ST6GALNAC3: variants seen among roughly 807,000 people sequenced by gnomAD.
The protein encoded by ST6GALNAC3 is alpha-N-acetylgalactosaminide alpha-2,6-sialyltransferase 3.
In ST6GALNAC3, 25 loss-of-function variants were observed where a neutral mutation model predicts 32.7. That is an observed-to-expected ratio of 0.76 (90% CI 0.56 to 1.07). The LOEUF is 1.07. ST6GALNAC3 is among the 50% of genes least tolerant of loss of function. ST6GALNAC3 has a pLI of 0.00. For synonymous variants in ST6GALNAC3, 129 were observed against 133.1 expected, an observed-to-expected ratio of 0.97 and a Z score of 0.21; for missense variants, 355 against 382.4, an observed-to-expected ratio of 0.93 and a Z score of 0.60.
At chr1:76,557,405 G>A (rs927656284) in intron 3 of ST6GALNAC3, among the ~76,000 whole-genome samples, 2 of 152,020 alleles carry the variant, frequency 1.3e-5, no homozygotes, top group East Asian at 1.9e-4. Flanking sequence ...TCATCAATGG[G>A]AAATTGGGAT....
At chr1:76,405,394 A>C (rs1212749247) in intron 2 of ST6GALNAC3, among the ~76,000 whole-genome samples, 1 of 152,096 alleles carries the variant, frequency 6.6e-6, no homozygotes, top group Admixed American at 6.6e-5. Flanking sequence ...GTAAAGGTTA[A>C]ATATTACATT....
chr1:76,343,255 A>C (rs963376653), intron 2 of ST6GALNAC3, among the ~76,000 whole-genome samples: 1 of 152,210 alleles, frequency 6.6e-6, no homozygotes, highest in Non-Finnish European at 1.5e-5. Context: ...TAATGTGTAC[A>C]TGTTATTGTC....
At chr1:76,215,258 T>C (rs537943011) in intron 1 of ST6GALNAC3, among the ~76,000 whole-genome samples, 10 of 152,308 alleles carry the variant, frequency 6.6e-5, no homozygotes, top group African/African-American at 2.2e-4. Flanking sequence ...ACTGCAACAG[T>C]AATTGACAGA....
intron 1 of ST6GALNAC3, among the ~76,000 whole-genome samples, chr1:76,157,767 A>G (rs1651552515): frequency 6.6e-6 from 1 of 152,238 alleles, no homozygotes; most frequent in Non-Finnish European, 1.5e-5. Flanking sequence ...GAATAACTAT[A>G]CCACCCTAAA....
intron 3 of ST6GALNAC3, among the ~76,000 whole-genome samples, chr1:76,563,497 T>C (rs150917278): frequency 1.8e-4 from 27 of 152,352 alleles, no homozygotes; most frequent in African/African-American, 5.8e-4. Flanking sequence ...CAAAGGAAGA[T>C]AATACTTGGA....
chr1:76,282,316 A>G (rs891191726), intron 1 of ST6GALNAC3, among the ~76,000 whole-genome samples: 3 of 152,156 alleles, frequency 2.0e-5, no homozygotes, highest in Non-Finnish European at 4.4e-5. Context: ...TTTATGTGAT[A>G]TATGTATAAT....
intron 3 of ST6GALNAC3, among the ~76,000 whole-genome samples, chr1:76,441,769 A>G (rs1656625089): frequency 6.6e-6 from 1 of 151,008 alleles, no homozygotes; most frequent in Admixed American, 6.6e-5. Flanking sequence ...CCACCCTTCC[A>G]CCAGATCTGA....
At chr1:76,367,966 A>G (rs980778841) in intron 2 of ST6GALNAC3, among the ~76,000 whole-genome samples, 2 of 152,180 alleles carry the variant, frequency 1.3e-5, no homozygotes, top group Admixed American at 6.5e-5. Flanking sequence ...AGTGCACAGC[A>G]AAGCGAACCT....
chr1:76,317,374 A>G (rs2100909091), intron 2 of ST6GALNAC3, among the ~76,000 whole-genome samples: 1 of 152,264 alleles, frequency 6.6e-6, no homozygotes, highest in Non-Finnish European at 1.5e-5. Context: ...AAAGTAATAT[A>G]GCTGAAATGA....
intron 2 of ST6GALNAC3, among the ~76,000 whole-genome samples, chr1:76,356,567 G>A (rs547548230): frequency 1.3e-5 from 2 of 152,130 alleles, no homozygotes; most frequent in Non-Finnish European, 2.9e-5. Context: ...GAAAAGTAAA[G>A]GGATGAAAGG....
intron 1 of ST6GALNAC3, among the ~76,000 whole-genome samples, chr1:76,167,453 G>T (rs1652195842): frequency 6.6e-6 from 1 of 152,054 alleles, no homozygotes; most frequent in Admixed American, 6.6e-5. Context: ...GATTCCTTTT[G>T]TTGTTGTTGT....
intron 1 of ST6GALNAC3, among the ~76,000 whole-genome samples, chr1:76,287,301 G>A (rs1659836246): frequency 6.6e-6 from 1 of 151,952 alleles, no homozygotes; most frequent in South Asian, 2.1e-4. Context: ...TCATTATGGC[G>A]ATAATTTGTT....
intron 1 of ST6GALNAC3, among the ~76,000 whole-genome samples, chr1:76,296,910 T>C (rs1660436799): frequency 6.6e-6 from 1 of 152,096 alleles, no homozygotes; most frequent in Non-Finnish European, 1.5e-5. Flanking sequence ...AAATGTGTGT[T>C]GATTGGTGAA....
chr1:76,185,004 G>A (rs1653462002), intron 1 of ST6GALNAC3, among the ~76,000 whole-genome samples: 1 of 152,170 alleles, frequency 6.6e-6, no homozygotes, highest in Non-Finnish European at 1.5e-5. Flanking sequence ...CTCTGTCCTA[G>A]TTATTTTAAA....
chr1:76,126,893 G>A (rs778817186), intron 1 of ST6GALNAC3, among the ~76,000 whole-genome samples: 49 of 152,308 alleles, frequency 3.2e-4, no homozygotes, highest in South Asian at 8.3e-4. Context: ...CACCAGGGTC[G>A]TTGATAAATA....
rs531166984 is a variant in ST6GALNAC3 at position 76,191,324 on chromosome 1, A to G, written c.18+116440A>G. 4.8e-4 allele frequency among the ~76,000 whole-genome samples: 73 copies of G among 152,266 alleles called. No homozygotes were observed. The South Asian group carries it at 0.015, about 31-fold the overall frequency. On this transcript the variant is annotated intron_variant, in intron 1 of 4. Coordinates refer to ENST00000328299, the MANE Select transcript of ST6GALNAC3 (RefSeq NM_152996.4). ...AAAAAAAAAAGAATTGATATCATAG[A>G]AACAAACCGAGTAGAACCACAGTTA...
intron 1 of ST6GALNAC3, among the ~76,000 whole-genome samples, chr1:76,168,000 G>A (rs369703846): frequency 1.3e-5 from 2 of 152,048 alleles, no homozygotes; most frequent in East Asian, 3.9e-4. Context: ...GCTCAGCTCT[G>A]ATTTTGGTTA....
intron 1 of ST6GALNAC3, among the ~76,000 whole-genome samples, chr1:76,247,941 G>A (rs1304180729): frequency 2.0e-5 from 3 of 151,980 alleles, no homozygotes; most frequent in Non-Finnish European, 4.4e-5. Flanking sequence ...GAAACCCAGG[G>A]CCCTGGTGGT....
At chr1:76,198,163 A>G (rs376740926) in intron 1 of ST6GALNAC3, among the ~76,000 whole-genome samples, 1 of 152,096 alleles carries the variant, frequency 6.6e-6, no homozygotes, top group East Asian at 1.9e-4. Flanking sequence ...TCAGCCCCCA[A>G]GTAGCTGGGA....
Sources: gnomAD v4.1 joint callset for allele counts (sites outside exome capture counted in the v4.1 genomes callset) on GRCh38, gnomAD v4.1.1 for gene constraint, MANE v1.5 for transcripts, NCBI Gene and HGNC (gene_info 2026-07-23, HGNC 2026-07-21) for gene names.